The following SPMIP6 variants were observed in gnomAD, a reference collection of about 807,000 sequenced individuals.
SPMIP6 encodes ciliated bronchial epithelial protein 1.
At chr9:34,381,389 G>A in the SPMIP6 span, 1 of 1,614,012 alleles carries the variant, frequency 6.2e-7, no homozygotes, top group South Asian at 1.1e-5. The surrounding 1 kb of genome is among the most constrained non-coding windows in gnomAD (Gnocchi z 4.4). Context: ...GAGCCGCTCC[G>A]GCCTAGGAGG....
the SPMIP6 span, chr9:34,380,582 C>G: frequency 1.4e-6 from 2 of 1,401,884 alleles, no homozygotes; most frequent in Non-Finnish European, 1.9e-6. Flanking sequence ...GACTGATGTG[C>G]GGGGTTTCTT....
chr9:34,388,307 ATTTTTTTT>A, the SPMIP6 span, among the ~76,000 whole-genome samples: 1 of 133,792 alleles, frequency 7.5e-6, no homozygotes, highest in African/African-American at 2.8e-5. Flanking sequence ...CTCCCAGCTA[ATTTTTTTT>A]TTTTTTTTGT....
At chr9:34,381,326 C>T in the SPMIP6 span, 1 of 1,613,048 alleles carries the variant, frequency 6.2e-7, no homozygotes, top group Non-Finnish European at 8.5e-7. The surrounding 1 kb of genome is among the most constrained non-coding windows in gnomAD (Gnocchi z 4.4). Flanking sequence ...CTTCCCCAAC[C>T]CTCTCCACCC....
At chr9:34,380,738 C>T in the SPMIP6 span, 6 of 1,548,370 alleles carry the variant, frequency 3.9e-6, no homozygotes, top group Middle Eastern at 3.4e-4. Context: ...GGCCTTGGAG[C>T]CCGAGGGCGG....
At chr9:34,382,714 G>T in the SPMIP6 span, 1 of 1,353,468 alleles carries the variant, frequency 7.4e-7, no homozygotes, top group South Asian at 1.2e-5. Flanking sequence ...GGGTATGCGT[G>T]TCCCAGTCCC....
the SPMIP6 span, among the ~76,000 whole-genome samples, chr9:34,383,636 T>G: frequency 6.6e-6 from 1 of 152,230 alleles, no homozygotes; most frequent in Non-Finnish European, 1.5e-5. Flanking sequence ...GGTTAATAGA[T>G]ACCTATCTCT....
chr9:34,379,872 C>G, the SPMIP6 span: 16 of 640,860 alleles, frequency 2.5e-5, no homozygotes, highest in Non-Finnish European at 4.2e-5. This position sits in a 1 kb window ranked among gnomAD's most constrained non-coding sequence, Gnocchi z 4.2. Context: ...CCTCACCCTT[C>G]AAAACCCCCA....
the SPMIP6 span, among the ~76,000 whole-genome samples, chr9:34,389,327 A>C: frequency 6.6e-6 from 1 of 152,194 alleles, no homozygotes; most frequent in Non-Finnish European, 1.5e-5. Flanking sequence ...GATAATGGAG[A>C]CAATGTTCTG....
At chr9:34,379,841 G>A in the SPMIP6 span, 2 of 783,182 alleles carry the variant, frequency 2.6e-6, no homozygotes, top group Non-Finnish European at 2.1e-6. The surrounding 1 kb of genome is among the most constrained non-coding windows in gnomAD (Gnocchi z 4.2). Context: ...CCCAAGGCTC[G>A]GAAATCCTCC....
At chr9:34,385,863 T>C in the SPMIP6 span, 19 of 1,466,178 alleles carry the variant, frequency 1.3e-5, no homozygotes, top group South Asian at 1.1e-4. Context: ...ATCCAGCCTC[T>C]CTTGAGAAGG....
the SPMIP6 span, chr9:34,381,434 A>G: frequency 6.2e-7 from 1 of 1,613,964 alleles, no homozygotes; most frequent in Admixed American, 1.7e-5. The surrounding 1 kb of genome is among the most constrained non-coding windows in gnomAD (Gnocchi z 4.4). Flanking sequence ...TGCTGTCTCC[A>G]TCCTGGCCTC....
chr9:34,395,998 C>T, the SPMIP6 span, among the ~76,000 whole-genome samples: 3 of 152,086 alleles, frequency 2.0e-5, no homozygotes, highest in East Asian at 5.8e-4. Context: ...TATCTTTTCT[C>T]CTAACAATTT....
chr9:34,381,599 C>T, the SPMIP6 span: 1 of 1,446,460 alleles, frequency 6.9e-7, no homozygotes, highest in Non-Finnish European at 9.1e-7. The surrounding 1 kb of genome is among the most constrained non-coding windows in gnomAD (Gnocchi z 4.4). Context: ...TGGCGGCTGT[C>T]ACCGGGCAAC....
the SPMIP6 span, among the ~76,000 whole-genome samples, chr9:34,387,022 T>C: frequency 7.0e-6 from 1 of 142,620 alleles, no homozygotes; most frequent in Admixed American, 7.5e-5. Flanking sequence ...CCACACTTGA[T>C]CCTTATGATT....
At chr9:34,386,371 G>A in the SPMIP6 span, among the ~76,000 whole-genome samples, 2 of 152,198 alleles carry the variant, frequency 1.3e-5, no homozygotes, top group Admixed American at 6.5e-5. Context: ...CGAGGCAGGC[G>A]GATCACGAGA....
chr9:34,385,534 T>TC, the SPMIP6 span: 1 of 568,668 alleles, frequency 1.8e-6, no homozygotes, highest in Non-Finnish European at 2.6e-6. Context: ...AAACTCCGTC[T>TC]CAAAAAAAAA....
At chr9:34,380,258 G>A in the SPMIP6 span, among the ~76,000 whole-genome samples, 3 of 152,202 alleles carry the variant, frequency 2.0e-5, no homozygotes, top group Non-Finnish European at 4.4e-5. Flanking sequence ...CGTGCAGGAC[G>A]AATGCCGAGC....
the SPMIP6 span, chr9:34,383,001 C>T: frequency 4.3e-6 from 3 of 692,450 alleles, no homozygotes; most frequent in Admixed American, 4.3e-5. Context: ...AAGCCAGAGA[C>T]CCCAAGCCCA....
the SPMIP6 span, among the ~76,000 whole-genome samples, chr9:34,386,131 C>T: frequency 6.6e-6 from 1 of 152,120 alleles, no homozygotes; most frequent in African/African-American, 2.4e-5. Flanking sequence ...TGTATGCTGC[C>T]TGGGAGCAGG....
Sources: gnomAD v4.1 joint callset for allele counts (sites outside exome capture counted in the v4.1 genomes callset) on GRCh38, gnomAD v4.1.1 for gene constraint, Gnocchi (gnomAD v3.1) non-coding constraint, MANE v1.5 for transcripts, NCBI Gene and HGNC (gene_info 2026-07-23, HGNC 2026-07-21) for gene names.